MECOM: variants seen among roughly 807,000 people sequenced by gnomAD.
MECOM encodes the protein MDS1 and EVI1 complex locus.
A neutral mutation model predicts 116.3 loss-of-function variants in MECOM; 13 were observed. That is an observed-to-expected ratio of 0.11 (90% CI 0.07 to 0.18). The LOEUF is 0.18. MECOM is among the 10% of genes least tolerant of loss of function. MECOM has a pLI of 1.00. For missense variants in MECOM, 1,299 were observed against 1,509.0 expected (o/e 0.86, Z 2.31); for synonymous variants, 528 against 535.2 (o/e 0.99, Z 0.19).
At chr3:169,659,496 A>G (rs997963371) in intron 1 of MECOM, among the ~76,000 whole-genome samples, 6 of 127,362 alleles carry the variant, frequency 4.7e-5, no homozygotes, top group African/African-American at 1.8e-4. Context: ...AAAATACTGC[A>G]AGAAGACTGT....
chr3:169,257,448 G>A (rs1656671685), intron 2 of MECOM, among the ~76,000 whole-genome samples: 2 of 152,146 alleles, frequency 1.3e-5, no homozygotes, highest in South Asian at 4.1e-4. Context: ...TACCAAAATT[G>A]ACCAATCTCC....
chr3:169,571,292 A>G (rs1763872422), intron 1 of MECOM, among the ~76,000 whole-genome samples: 1 of 152,150 alleles, frequency 6.6e-6, no homozygotes, highest in African/African-American at 2.4e-5. Flanking sequence ...AAGGGATGTG[A>G]AGGACCTCTT....
chr3:169,130,542 G>C (rs1316596254), intron 4 of MECOM, among the ~76,000 whole-genome samples: 1 of 147,472 alleles, frequency 6.8e-6, no homozygotes, highest in East Asian at 2.0e-4. Flanking sequence ...CAGTCCAAAG[G>C]AAAAATTGTT....
At chr3:169,477,148 T>TATATACAC (rs1400596819) in intron 1 of MECOM, 5 of 42,470 alleles carry the variant, frequency 1.2e-4, no homozygotes, top group African/African-American at 5.3e-4. Context: ...TATATATATA[T>TATATACAC]ACACACACAC....
intron 2 of MECOM, among the ~76,000 whole-genome samples, chr3:169,155,372 C>A (rs1741798838): frequency 6.6e-6 from 1 of 152,142 alleles, no homozygotes; most frequent in African/African-American, 2.4e-5. Context: ...GTATCTTGGA[C>A]TCCTCTCCTT....
rs375691609 is a variant in MECOM at position 169,530,552 on chromosome 3, C to T, written c.37+132784G>A. Among the ~76,000 whole-genome samples, 20 of 152,234 alleles carry T rather than the reference C, an allele frequency of 1.3e-4. No individual in the cohort carries two copies. The East Asian group carries it at 3.9e-3, about 29-fold the overall frequency. Reference sequence around the variant, plus strand: ...GAGATTCCAGGAAGCTTCAGAGCCACCCTCAGAGCTGCACCAGGGCTTGGA... The same window carrying T: ...GAGATTCCAGGAAGCTTCAGAGCCATCCTCAGAGCTGCACCAGGGCTTGGA... On this transcript the variant is annotated intron_variant, in intron 1 of 16. Coordinates refer to ENST00000651503, the MANE Select transcript of MECOM (RefSeq NM_004991.4).
chr3:169,417,357 A>G (rs1738839875), intron 1 of MECOM, among the ~76,000 whole-genome samples: 1 of 151,850 alleles, frequency 6.6e-6, no homozygotes, highest in African/African-American at 2.4e-5. Flanking sequence ...ACATGAAAAA[A>G]TGCTCACCAT....
chr3:169,185,650 T>C (rs1376270971), intron 2 of MECOM, among the ~76,000 whole-genome samples: 1 of 152,190 alleles, frequency 6.6e-6, no homozygotes, highest in Non-Finnish European at 1.5e-5. Flanking sequence ...AATAACCTCT[T>C]TCGCCTCTAA....
rs954380159 is a variant in MECOM at position 169,653,848 on chromosome 3, A to G, written c.37+9488T>C. On this transcript the variant is annotated intron_variant, in intron 1 of 16. Transcript: ENST00000651503. The stretch of plus-strand genomic sequence containing the variant: ...TGGCTTGCCTTCATTTCAACCAGCT[A>G]GTAAATGGTGGAGCCAGGATTCAAA... Among the ~76,000 whole-genome samples, 10 of 152,314 alleles carry G rather than the reference A, an allele frequency of 6.6e-5. 1 individual carries two copies. The highest frequency in any genetic ancestry group is 6.5e-4 in the Admixed American group (10 of 15,306).
intron 2 of MECOM, among the ~76,000 whole-genome samples, chr3:169,217,435 T>G (rs1051826846): frequency 3.3e-5 from 5 of 152,184 alleles, no homozygotes; most frequent in Non-Finnish European, 7.3e-5. Context: ...TTTAGCATTT[T>G]CGTAAATTAT....
At chr3:169,260,527 C>T (rs575455673) in intron 2 of MECOM, among the ~76,000 whole-genome samples, 12 of 150,820 alleles carry the variant, frequency 8.0e-5, no homozygotes, top group East Asian at 5.9e-4. Flanking sequence ...GTTAAATCTG[C>T]GAAAAGTAAG....
chr3:169,261,745 A>AAAG (rs10662806), intron 2 of MECOM, among the ~76,000 whole-genome samples: 77,905 of 150,172 alleles, frequency 0.52, 21,438 homozygotes, highest in East Asian at 0.78. Context: ...GAGAAGGAGA[A>AAAG]AAGAAGAAGA....
At chr3:169,209,163 C>A (rs944926018) in intron 2 of MECOM, among the ~76,000 whole-genome samples, 2 of 151,964 alleles carry the variant, frequency 1.3e-5, no homozygotes, top group African/African-American at 4.8e-5. Context: ...TGAAACTGGA[C>A]CCATTCCTTT....
chr3:169,153,891 A>G (rs1741547775), intron 2 of MECOM, among the ~76,000 whole-genome samples: 1 of 152,178 alleles, frequency 6.6e-6, no homozygotes, highest in Admixed American at 6.5e-5. Flanking sequence ...GTGTTTGTGT[A>G]ACGGGTTACA....
rs375338276 is a variant in MECOM, at chr3:169,189,064, T to C, written c.376-45232A>G. ...CAAAGAAATATGTTCATTTTTACTT[T>C]TAGTATTCATGACTCGCATGATCCT... On this transcript the variant is annotated intron_variant, in intron 2 of 16. Coordinates refer to ENST00000651503, the MANE Select transcript of MECOM (RefSeq NM_004991.4). Among the ~76,000 whole-genome samples the C allele has an allele frequency of 1.6e-4, 24 of 152,244 alleles. No homozygotes were observed. The East Asian group carries it at 3.7e-3, about 23-fold the overall frequency.
chr3:169,377,935 A>G (rs751511230), intron 2 of MECOM, among the ~76,000 whole-genome samples: 8 of 152,170 alleles, frequency 5.3e-5, no homozygotes, highest in African/African-American at 1.4e-4. Context: ...ATGCCCATCA[A>G]TGATAGACTG....
intron 1 of MECOM, among the ~76,000 whole-genome samples, chr3:169,397,428 G>A (rs1008087366): frequency 1.3e-5 from 2 of 152,168 alleles, no homozygotes; most frequent in African/African-American, 4.8e-5. Flanking sequence ...CCAAAGTGCA[G>A]GATATGAGGG....
intron 2 of MECOM, among the ~76,000 whole-genome samples, chr3:169,332,946 C>A (rs1169279850): frequency 6.6e-6 from 1 of 151,544 alleles, no homozygotes; most frequent in Non-Finnish European, 1.5e-5. Context: ...ATAATTCAAA[C>A]AACTAGGGAA....
intron 1 of MECOM, among the ~76,000 whole-genome samples, chr3:169,487,026 T>C (rs1047950559): frequency 1.3e-5 from 2 of 152,138 alleles, no homozygotes; most frequent in African/African-American, 4.8e-5. Context: ...AGAGAAATGA[T>C]ATCTCATGTC....
Sources: allele counts gnomAD v4.1 joint callset (sites outside exome capture counted in the v4.1 genomes callset), GRCh38; gene constraint gnomAD v4.1.1; transcripts MANE v1.5; gene names NCBI Gene and HGNC (gene_info 2026-07-23, HGNC 2026-07-21).